EXOC6B: variants seen among roughly 807,000 people sequenced by gnomAD.
EXOC6B encodes exocyst complex component 6B.
A neutral mutation model predicts 113.5 loss-of-function variants in EXOC6B; 54 were observed. The ratio of observed to expected loss-of-function variants is 0.48; its 90% confidence interval spans 0.38 to 0.60. EXOC6B has a LOEUF of 0.60. Among genes scored for constraint, EXOC6B ranks in the 20% least tolerant of loss-of-function variants. The probability of loss-of-function intolerance (pLI) is 0.00; values close to 1 mark genes in which losing one functional copy is unlikely to be tolerated. For synonymous variants in EXOC6B, 357 were observed against 339.0 expected (o/e 1.05, Z -0.58); for missense variants, 797 against 977.5 (o/e 0.82, Z 2.46).
At chr2:72,646,212 C>G (rs543831180) in intron 6 of EXOC6B, among the ~76,000 whole-genome samples, 1 of 151,888 alleles carries the variant, frequency 6.6e-6, no homozygotes, top group Non-Finnish European at 1.5e-5. Context: ...ATAAATTCCT[C>G]GACACATACA....
chr2:72,675,343 G>A (rs1676214174), intron 6 of EXOC6B, among the ~76,000 whole-genome samples: 1 of 152,212 alleles, frequency 6.6e-6, no homozygotes, highest in South Asian at 2.1e-4. Flanking sequence ...AGAATCTTCT[G>A]AACAACCTAC....
At position 72,422,032 on chromosome 2, in the gene EXOC6B, C is replaced by T. The variant is rs182128990; in HGVS notation, c.1981-42162G>A. ...AGTGCCAGCCCACCGGTGCTGCGCT[C>T]GATTTCTCACTGAGCCTTAGCTGCC... On this transcript the variant is annotated intron_variant, in intron 18 of 21. Coordinates refer to ENST00000272427, the MANE Select transcript of EXOC6B (RefSeq NM_015189.3). Among the ~76,000 whole-genome samples the T allele has an allele frequency of 5.0e-3, 766 of 152,348 alleles. 9 individuals are homozygous for T. The highest frequency in any genetic ancestry group is 0.017 in the African/African-American group (700 of 41,582).
chr2:72,439,596 C>A (rs1432165565), intron 18 of EXOC6B, among the ~76,000 whole-genome samples: 1 of 152,144 alleles, frequency 6.6e-6, no homozygotes, highest in Non-Finnish European at 1.5e-5. Flanking sequence ...TCTATACTGG[C>A]AATTTTGTCT....
chr2:72,209,422 G>A (rs868150666), intron 20 of EXOC6B, among the ~76,000 whole-genome samples: 23 of 152,012 alleles, frequency 1.5e-4, no homozygotes, highest in Admixed American at 5.9e-4. Context: ...GCTGAGGTGG[G>A]AGGATGGCTC....
At chr2:72,530,689 C>T (rs1701957537) in intron 8 of EXOC6B, among the ~76,000 whole-genome samples, 1 of 152,120 alleles carries the variant, frequency 6.6e-6, no homozygotes, top group East Asian at 1.9e-4. Context: ...TCAACTATAA[C>T]AGTGATTCAT....
At chr2:72,823,459 G>GA (rs1237385156) in intron 1 of EXOC6B, among the ~76,000 whole-genome samples, 2,694 of 69,932 alleles carry the variant, frequency 0.039, 305 homozygotes, top group African/African-American at 0.053. Context: ...AAAGTTTTAA[G>GA]AAAAAAAAAA....
intron 19 of EXOC6B, among the ~76,000 whole-genome samples, chr2:72,339,417 T>C (rs2420445): frequency 0.99 from 150,514 of 152,288 alleles, 74,389 homozygotes; most frequent in East Asian, 1. Context: ...TCTGAAGCAT[T>C]GGCAAGGAAA....
chr2:72,179,198 A>C lies in EXOC6B; in HGVS notation c.*137T>G. The C allele has an allele frequency of 3.1e-6, 3 of 960,152 alleles. No individual in the cohort carries two copies. Among genetic ancestry groups the C allele is most frequent in the Non-Finnish European group, 3.0e-6 (2 of 669,856 alleles). 59.5% of individuals were successfully genotyped at this position (960,152 alleles called of 1,614,324 possible). On this transcript the variant is annotated 3_prime_UTR_variant, in exon 22 of 22. Coordinates refer to ENST00000272427, the MANE Select transcript of EXOC6B (RefSeq NM_015189.3). Reference sequence around the variant, plus strand: ...TTTACTATAGGGAAATGTTATGTGAATACTGCACAGGGGTTAATAAAAAAA... The same window carrying C: ...TTTACTATAGGGAAATGTTATGTGACTACTGCACAGGGGTTAATAAAAAAA...
intron 6 of EXOC6B, among the ~76,000 whole-genome samples, chr2:72,632,377 T>C (rs1672529474): frequency 6.6e-6 from 1 of 152,138 alleles, no homozygotes; most frequent in Non-Finnish European, 1.5e-5. Context: ...TTTGGAAAAC[T>C]CCTTTTTAAT....
intron 10 of EXOC6B, 25 bp downstream of exon 10, chr2:72,514,593 AATAAATAAATAAATAT>A (rs751994268): frequency 2.5e-5 from 6 of 243,424 alleles, no homozygotes; most frequent in South Asian, 1.0e-4. Flanking sequence ...TAAATAAATA[AATAAATAAATAAATAT>A]ATATATATAT....
chr2:72,776,426 G>A (rs766563732), intron 1 of EXOC6B, among the ~76,000 whole-genome samples: 2 of 152,076 alleles, frequency 1.3e-5, no homozygotes, highest in African/African-American at 2.4e-5. Flanking sequence ...AGACTAGCCT[G>A]GGCAACATGG....
intron 20 of EXOC6B, among the ~76,000 whole-genome samples, chr2:72,251,070 T>G (rs183171406): frequency 2.6e-5 from 4 of 152,242 alleles, no homozygotes; most frequent in Admixed American, 2.6e-4. Flanking sequence ...TCACGTAATC[T>G]GCCCCCCTTG....
rs1174373837 is a variant in EXOC6B at position 72,515,104 on chromosome 2, T to A, written c.938A>T (p.Asn313Ile). ...TTTTCGCCTCTGTTTTCGGTAGTAA[T>A]TCTCAAATGTTTCCCGGGCACCCTG... Reference protein sequence around the residue: ...SVLGARETFENYYRKQRRKQA... With the variant: ...SVLGARETFEIYYRKQRRKQA... The change falls in exon 9 of 22, where the codon AAT becomes ATT. Residue 313 changes from asparagine (N) to isoleucine (I), a missense_variant. Physicochemically the swap from Asn to Ile is moderately radical, Grantham distance 149 (BLOSUM62 -3). Coordinates refer to ENST00000272427, the MANE Select transcript of EXOC6B (RefSeq NM_015189.3). 6.2e-7 allele frequency: 1 copy of A among 1,604,938 alleles called. No individual in the cohort carries two copies. Among genetic ancestry groups the A allele is most frequent in the East Asian group, 2.2e-5 (1 of 44,698 alleles).
chr2:72,270,926 A>C (rs911074941), intron 20 of EXOC6B, among the ~76,000 whole-genome samples: 10 of 152,200 alleles, frequency 6.6e-5, no homozygotes, highest in Non-Finnish European at 5.9e-5. Flanking sequence ...CTGAAATTTA[A>C]ATCTCTGCTC....
intron 1 of EXOC6B, among the ~76,000 whole-genome samples, chr2:72,792,197 A>T (rs886872676): frequency 5.9e-5 from 9 of 152,220 alleles, no homozygotes; most frequent in Non-Finnish European, 1.2e-4. Context: ...ATCATTAATA[A>T]CAGCACAGTG....
intron 6 of EXOC6B, among the ~76,000 whole-genome samples, chr2:72,585,103 G>A (rs1705471960): frequency 6.6e-6 from 1 of 151,852 alleles, no homozygotes; most frequent in African/African-American, 2.4e-5. Context: ...AGAGAAATGA[G>A]AAAAACAAGA....
intron 1 of EXOC6B, among the ~76,000 whole-genome samples, chr2:72,805,494 T>G (rs1338039560): frequency 6.6e-6 from 1 of 152,182 alleles, no homozygotes; most frequent in African/African-American, 2.4e-5. Context: ...TTATTTTTAG[T>G]ATTTGTCAAG....
chr2:72,708,248 A>T (rs1366011800), intron 6 of EXOC6B, among the ~76,000 whole-genome samples: 7 of 152,218 alleles, frequency 4.6e-5, no homozygotes. Flanking sequence ...ATGGAAAAAT[A>T]GCAATGACAT....
Position 72,598,250 on chromosome 2 carries a change from G to A in EXOC6B, c.670-22582C>T, listed in dbSNP as rs565214640. 4.0e-5 allele frequency among the ~76,000 whole-genome samples: 6 copies of A among 151,842 alleles called. 1 individual carries two copies. Among genetic ancestry groups the A allele is most frequent in the Admixed American group, 1.3e-4 (2 of 15,246 alleles). ...TACCCACTCAGACCACAACAGAATG[G>A]AACAAGAAATCAATAACAGAAAATT... On this transcript the variant is annotated intron_variant, in intron 6 of 21. Transcript: ENST00000272427.
Sources: allele counts gnomAD v4.1 joint callset (sites outside exome capture counted in the v4.1 genomes callset), GRCh38; gene constraint gnomAD v4.1.1; transcripts MANE v1.5; gene names NCBI Gene and HGNC (gene_info 2026-07-23, HGNC 2026-07-21).